IL17REL: variants seen among roughly 807,000 people sequenced by gnomAD.
IL17REL encodes interleukin 17 receptor E like, also known as interleukin-17 receptor E-like protein.
A neutral mutation model predicts 49.0 loss-of-function variants in IL17REL; 36 were observed. That is an observed-to-expected ratio of 0.73 (90% CI 0.56 to 0.97). The LOEUF (loss-of-function observed/expected upper bound fraction) is 0.97. Among genes scored for constraint, IL17REL ranks in the 50% least tolerant of loss-of-function variants. The pLI is 0.00. For missense variants in IL17REL, 470 were observed against 453.9 expected (o/e 1.04, Z -0.32); for synonymous variants, 206 against 192.4 (o/e 1.07, Z -0.58).
chr22:49,997,920 A>G, intron 9 of IL17REL, 105 bp downstream of exon 11: 1 of 1,489,666 alleles, frequency 6.7e-7, no homozygotes, highest in Non-Finnish European at 9.2e-7. Flanking sequence ...GACGCCTGGG[A>G]GGCTAGGCTC....
intron 1 of IL17REL, among the ~76,000 whole-genome samples, chr22:50,007,972 C>T (rs1177080697): frequency 2.0e-5 from 3 of 151,378 alleles, no homozygotes; most frequent in South Asian, 2.1e-4. Context: ...GGCATGGTGG[C>T]TCAAGTTCAC....
chr22:50,009,970 G>A (rs2061129953), upstream of IL17REL, among the ~76,000 whole-genome samples: 1 of 151,866 alleles, frequency 6.6e-6, no homozygotes, highest in Non-Finnish European at 1.5e-5. Context: ...TGGAATCGGC[G>A]GCAGTCAGTG....
At chr22:49,992,083 A>T (rs557857718), downstream of IL17REL, among the ~76,000 whole-genome samples, 1 of 152,344 alleles carries the variant, frequency 6.6e-6, no homozygotes, top group South Asian at 2.1e-4. Flanking sequence ...TTCCAAAGGA[A>T]GAAATCAGAT....
rs2061067487 is a variant in IL17REL, at chr22:49,999,891, GGGGCTCCCGGAGGCCCT to G, written c.394_410del (p.Ala133LeufsTer51). 1 of 1,542,286 alleles carries G rather than the reference GGGGCTCCCGGAGGCCCT, an allele frequency of 6.5e-7. No homozygotes were observed. The highest frequency in any genetic ancestry group is 8.7e-7 in the Non-Finnish European group (1 of 1,144,090). On this transcript the variant is annotated frameshift_variant, in exon 5 of 13. Transcript: ENST00000341280. LOFTEE classifies it high-confidence loss of function. ...TGAGGCAGAGCCGCAGGTAGTAGTC[GGGGCTCCCGGAGGCCCT>G]GGGCACTTGCACCAGAATCGCCTTG...
At chr22:50,004,226 G>A (rs762991184) in intron 1 of IL17REL, among the ~76,000 whole-genome samples, 3 of 151,996 alleles carry the variant, frequency 2.0e-5, no homozygotes, top group African/African-American at 4.8e-5. Flanking sequence ...CTACAGGTGC[G>A]TACCACCACA....
chr22:50,005,637 G>A (rs137855), intron 1 of IL17REL, among the ~76,000 whole-genome samples: 81,782 of 151,330 alleles, frequency 0.54, 22,526 homozygotes, highest in South Asian at 0.76. Flanking sequence ...CCCCGTCTCT[G>A]CTAAAAATAC....
chr22:49,998,373 G>A, intron 7 of IL17REL, 64 bp from the exon 10 acceptor site: 1 of 1,480,880 alleles, frequency 6.8e-7, no homozygotes, highest in Non-Finnish European at 9.1e-7. Flanking sequence ...GGCCCATGGG[G>A]TCTAGCACCC....
At chr22:49,997,434 G>T in intron 10 of IL17REL, 2 of 1,610,322 alleles carry the variant, frequency 1.2e-6, no homozygotes, top group South Asian at 2.2e-5. Context: ...AGAAGAAGGT[G>T]ACCCGGAGGT....
exon 8 of IL17REL, chr22:49,998,145 G>A (rs1455443271): frequency 3.1e-6 from 5 of 1,605,754 alleles, no homozygotes; most frequent in African/African-American, 1.3e-5. Context: ...ACTCTGCGAT[G>A]CACCAGCTGG....
At position 49,996,745 on chromosome 22, in the gene IL17REL, G is replaced by A. The variant is rs559314603; in HGVS notation, c.*160C>T. The A allele has an allele frequency of 3.5e-4, 149 of 429,974 alleles. 1 individual carries two copies. The Middle Eastern group carries it at 4.3e-3, about 12-fold the overall frequency. The allele number at this position is 429,974 out of a possible 1,614,324, so 26.6% of individuals were successfully genotyped here. A position where few individuals can be genotyped will look rare whatever the true frequency, so the allele number is the denominator to read the frequency against. On this transcript the variant is annotated 3_prime_UTR_variant, in exon 13 of 13. Transcript: ENST00000341280. Reference sequence around the variant, plus strand: ...CAGTGCACGCCACGCCCAGCCTGCCGTGGGAGGCCTAGGTCTAGTCCTCGG... The same window carrying A: ...CAGTGCACGCCACGCCCAGCCTGCCATGGGAGGCCTAGGTCTAGTCCTCGG...
rs1221198941 is a variant in IL17REL at position 49,998,221 on chromosome 22, A to T, written c.690T>A (p.Ser230Arg). 1.9e-6 allele frequency: 3 copies of T among 1,612,442 alleles called. No homozygotes were observed. In the South Asian group the frequency reaches 3.3e-5, roughly 18 times the overall value. The change falls in exon 8 of 13, where the codon AGT becomes AGA. Residue 230 changes from serine to arginine, a missense_variant. Transcript: ENST00000341280. The stretch of plus-strand genomic sequence containing the variant: ...GGCGCCAGCACAGGCTCACATGGCC[A>T]CTCACAGGGCAGGCGGGCTCCCAGC...
chr22:49,996,985 G>A lies in IL17REL; in HGVS notation c.*44+9C>T, dbSNP rs754279034. ...ATGGCTAGGGGCTGGGCACAGCAGC[G>A]ACACCCACCTGGATGCAGATGCCTG... On this transcript the variant is annotated intron_variant, in intron 12 of 12. Transcript: ENST00000341280. 24 of 1,441,332 alleles carry A rather than the reference G, an allele frequency of 1.7e-5. No homozygotes were observed. The highest frequency in any genetic ancestry group is 9.8e-5 in the East Asian group (4 of 40,954). 89.3% of individuals were successfully genotyped at this position (1,441,332 alleles called of 1,614,324 possible).
exon 13 of IL17REL, chr22:49,995,249 A>C (rs1049964381): frequency 6.6e-6 from 1 of 152,582 alleles, no homozygotes; most frequent in African/African-American, 2.4e-5. Context: ...CTTCAGGGCC[A>C]GGGACAGTGG....
chr22:50,004,054 C>CTTTTTTGTTTGTTTTAG (rs2061094282), intron 1 of IL17REL, among the ~76,000 whole-genome samples: 2 of 152,068 alleles, frequency 1.3e-5, no homozygotes, highest in African/African-American at 2.4e-5. Context: ...TCCACTATTT[C>CTTTTTTGTTTGTTTTAG]TTTTTTGTTT....
chr22:49,994,611 T>A (rs955387474), exon 13 of IL17REL: 3 of 152,310 alleles, frequency 2.0e-5, no homozygotes, highest in African/African-American at 4.8e-5. Flanking sequence ...GCAGCCTCTG[T>A]TGCAGGAGGG....
At chr22:49,999,529 G>A (rs1295651502) in intron 5 of IL17REL, 27 bp from the exon 8 acceptor site, 5 of 1,570,392 alleles carry the variant, frequency 3.2e-6, no homozygotes, top group Admixed American at 3.6e-5. Context: ...GCGGCTGAGG[G>A]GCCGCGCGGG....
chr22:50,009,291 T>C (rs983827521), upstream of IL17REL, among the ~76,000 whole-genome samples: 7 of 151,998 alleles, frequency 4.6e-5, no homozygotes, highest in African/African-American at 1.7e-4. Flanking sequence ...TCCTGATTTA[T>C]GATCATCCCC....
rs1381796574 is a variant in IL17REL, at chr22:49,999,285, A to G, written c.601+6T>C. On this transcript the variant is annotated splice_donor_region_variant and intron_variant, in intron 7 of 12. Transcript: ENST00000341280. The stretch of plus-strand genomic sequence containing the variant: ...CTTCCGCCCGTTGGCATCGCAGGAC[A>G]CTTGCCGTTTTCAAAGGGGCAGATC... 4 of 1,612,850 alleles carry G rather than the reference A, an allele frequency of 2.5e-6. No individual in the cohort carries two copies. The highest frequency in any genetic ancestry group is 2.7e-5 in the African/African-American group (2 of 74,900).
At chr22:50,010,726 G>A (rs890905449), upstream of IL17REL, among the ~76,000 whole-genome samples, 1 of 152,138 alleles carries the variant, frequency 6.6e-6, no homozygotes, top group African/African-American at 2.4e-5. Flanking sequence ...GCTGTCGGGG[G>A]CGCGGAACGT....
Sources: gnomAD v4.1 joint callset for allele counts (sites outside exome capture counted in the v4.1 genomes callset) on GRCh38, gnomAD v4.1.1 for gene constraint, MANE v1.5 for transcripts, NCBI Gene and HGNC (gene_info 2026-07-23, HGNC 2026-07-21) for gene names.